CTNNA3: variants seen among roughly 807,000 people sequenced by gnomAD.
The protein encoded by CTNNA3 is catenin alpha-3.
In CTNNA3, 76 loss-of-function variants were observed where a neutral mutation model predicts 95.7. The ratio of observed to expected loss-of-function variants is 0.79; its 90% CI spans 0.66 to 0.96. CTNNA3 has a LOEUF of 0.96. Among genes scored for constraint, CTNNA3 ranks in the 40% least tolerant of loss-of-function variants. CTNNA3 has a pLI of 0.00. For missense variants in CTNNA3, 1,191 were observed against 1,089.8 expected (o/e 1.09, Z -1.31); for synonymous variants, 431 against 374.4 (o/e 1.15, Z -1.74).
intron 7 of CTNNA3, among the ~76,000 whole-genome samples, chr10:66,813,764 T>C (rs1841970984): frequency 1.3e-5 from 2 of 152,060 alleles, no homozygotes; most frequent in Admixed American, 1.3e-4. Flanking sequence ...TTTTTAAAGA[T>C]TCTAAGTATA....
At chr10:66,390,246 C>T (rs1270491457) in intron 11 of CTNNA3, among the ~76,000 whole-genome samples, 2 of 152,100 alleles carry the variant, frequency 1.3e-5, no homozygotes, top group East Asian at 3.9e-4. Context: ...GTAAAAGTTT[C>T]TCCTTTTAAT....
intron 12 of CTNNA3, among the ~76,000 whole-genome samples, chr10:66,350,701 A>T (rs186750791): frequency 5.3e-5 from 8 of 152,106 alleles, no homozygotes; most frequent in Admixed American, 1.3e-4. Flanking sequence ...GACAGAATCA[A>T]TGTCATCTCA....
chr10:66,152,902 A>G (rs1327165252), intron 13 of CTNNA3, among the ~76,000 whole-genome samples: 1 of 151,890 alleles, frequency 6.6e-6, no homozygotes, highest in Non-Finnish European at 1.5e-5. Context: ...GTTTTAAGCC[A>G]TTATTTTCTT....
Position 66,325,516 on chromosome 10 carries a change from A to G in CTNNA3, c.1733-44895T>C, listed in dbSNP as rs200137037. Among the ~76,000 whole-genome samples the G allele has an allele frequency of 1.5e-4, 23 of 152,136 alleles. No homozygotes were observed. In the East Asian group the frequency reaches 4.5e-3, roughly 29 times the overall value. On this transcript the variant is annotated intron_variant, in intron 12 of 17. Coordinates refer to ENST00000433211, the MANE Select transcript of CTNNA3 (RefSeq NM_013266.4). Reference sequence around the variant, plus strand: ...TGCCTTGATCTCTGAAAGTGCTGGGATTATAGGCATGAGCCGCTGCACCTG... The same window carrying G: ...TGCCTTGATCTCTGAAAGTGCTGGGGTTATAGGCATGAGCCGCTGCACCTG...
intron 12 of CTNNA3, among the ~76,000 whole-genome samples, chr10:66,324,619 C>T (rs572355070): frequency 2.6e-4 from 39 of 152,258 alleles, no homozygotes; most frequent in African/African-American, 9.1e-4. Context: ...TGCATGCTCC[C>T]CTTCCTGCAA....
intron 5 of CTNNA3, among the ~76,000 whole-genome samples, chr10:67,504,451 A>AACAAAAAAAAACAAAAAAAAAC (rs1839366608): frequency 1.4e-5 from 2 of 143,532 alleles, no homozygotes; most frequent in Non-Finnish European, 3.1e-5. Context: ...AAAAAAAAAA[A>AACAAAAAAAAACAAAAAAAAAC]AAAAAAAAAC....
chr10:67,161,121 T>G (rs1009959809), intron 7 of CTNNA3, among the ~76,000 whole-genome samples: 1 of 152,160 alleles, frequency 6.6e-6, no homozygotes, highest in Non-Finnish European at 1.5e-5. Flanking sequence ...ACATTGTGCC[T>G]CTAGTTTTCA....
chr10:66,278,345 A>G (rs1427113470), intron 13 of CTNNA3, among the ~76,000 whole-genome samples: 1 of 151,758 alleles, frequency 6.6e-6, no homozygotes, highest in African/African-American at 2.4e-5. Flanking sequence ...ATTTGAATGT[A>G]TTCTTGATAG....
intron 15 of CTNNA3, among the ~76,000 whole-genome samples, chr10:66,066,255 C>T (rs936582928): frequency 1.3e-5 from 2 of 152,038 alleles, no homozygotes; most frequent in Non-Finnish European, 2.9e-5. Flanking sequence ...AAATCAGCAA[C>T]AAATTATAGA....
intron 9 of CTNNA3, among the ~76,000 whole-genome samples, chr10:66,720,622 C>T (rs1461554436): frequency 6.6e-6 from 1 of 152,076 alleles, no homozygotes; most frequent in Non-Finnish European, 1.5e-5. Flanking sequence ...CACCTGAGGT[C>T]AGGAGTTCGA....
intron 1 of CTNNA3, among the ~76,000 whole-genome samples, chr10:67,733,191 A>C (rs1841285578): frequency 6.6e-6 from 1 of 152,182 alleles, no homozygotes; most frequent in Admixed American, 6.5e-5. Context: ...TTAAATTTTT[A>C]ATTAAAAATT....
At chr10:67,726,591 T>C (rs1285855490) in intron 1 of CTNNA3, among the ~76,000 whole-genome samples, 18 of 45,886 alleles carry the variant, frequency 3.9e-4, no homozygotes, top group African/African-American at 1.4e-3. Context: ...TAATATGTAA[T>C]ATTATATTAC....
intron 17 of CTNNA3, among the ~76,000 whole-genome samples, chr10:65,954,278 GGATATTA>G (rs1399504066): frequency 6.6e-6 from 1 of 152,150 alleles, no homozygotes; most frequent in Non-Finnish European, 1.5e-5. Context: ...TGTAGATTCT[GGATATTA>G]GACCTTTGTC....
At chr10:67,498,846 G>A (rs1001068152) in intron 5 of CTNNA3, among the ~76,000 whole-genome samples, 1 of 152,108 alleles carries the variant, frequency 6.6e-6, no homozygotes, top group African/African-American at 2.4e-5. Flanking sequence ...TGAGACAATG[G>A]GGTTTTCTAA....
At chr10:66,297,886 G>A (rs923278475) in intron 12 of CTNNA3, among the ~76,000 whole-genome samples, 18 of 152,146 alleles carry the variant, frequency 1.2e-4, no homozygotes, top group African/African-American at 3.9e-4. Context: ...GAGCCATGGG[G>A]TAAGTTAAGT....
intron 15 of CTNNA3, among the ~76,000 whole-genome samples, chr10:66,034,771 T>C (rs190538162): frequency 1.3e-5 from 2 of 152,276 alleles, no homozygotes; most frequent in Admixed American, 1.3e-4. Context: ...TTAAAGCTCA[T>C]GAAGGGAAAA....
intron 7 of CTNNA3, chr10:66,926,728 G>A (rs1373463329): frequency 3.7e-6 from 4 of 1,087,444 alleles, no homozygotes; most frequent in African/African-American, 3.2e-5. Context: ...TTAGTGGCAT[G>A]TTTCCTTGTT....
At chr10:67,105,662 T>C (rs1300754184) in intron 7 of CTNNA3, among the ~76,000 whole-genome samples, 1 of 152,164 alleles carries the variant, frequency 6.6e-6, no homozygotes, top group Admixed American at 6.6e-5. Context: ...AAGGCAATTA[T>C]CAGAGTGGAA....
chr10:66,268,161 T>C (rs1395865443), intron 13 of CTNNA3, among the ~76,000 whole-genome samples: 2 of 152,162 alleles, frequency 1.3e-5, no homozygotes, highest in African/African-American at 4.8e-5. Context: ...GGTCACTTTG[T>C]ATTTTCTAAA....
Sources: gnomAD v4.1 joint callset for allele counts (sites outside exome capture counted in the v4.1 genomes callset) on GRCh38, gnomAD v4.1.1 for gene constraint, MANE v1.5 for transcripts, NCBI Gene and HGNC (gene_info 2026-07-23, HGNC 2026-07-21) for gene names.